DCDC2: variants seen among roughly 807,000 people sequenced by gnomAD.
DCDC2 encodes doublecortin domain containing 2.
Under a neutral mutation model 50.2 loss-of-function variants are expected in DCDC2, and 40 were observed. That is an observed-to-expected ratio of 0.80 (90% CI 0.62 to 1.04). The LOEUF (loss-of-function observed/expected upper bound fraction) is 1.04. Among genes scored for constraint, DCDC2 ranks in the 50% least tolerant of loss-of-function variants. The pLI, the probability that DCDC2 is intolerant of heterozygous loss-of-function variation, is 0.00. For synonymous variants in DCDC2, 234 were observed against 210.6 expected (o/e 1.11, Z -0.96); for missense variants, 570 against 581.9 (o/e 0.98, Z 0.21).
At chr6:24,297,407 C>G (rs921562743) in intron 4 of DCDC2, among the ~76,000 whole-genome samples, 1 of 152,042 alleles carries the variant, frequency 6.6e-6, no homozygotes, top group African/African-American at 2.4e-5. Context: ...AACAAACTAC[C>G]GTGACACAAG....
upstream of DCDC2, among the ~76,000 whole-genome samples, chr6:24,362,622 A>G (rs1450893799): frequency 6.6e-6 from 1 of 152,128 alleles, no homozygotes; most frequent in African/African-American, 2.4e-5. Flanking sequence ...CAGTTGCCTC[A>G]CACGCCAGAA....
intron 7 of DCDC2, among the ~76,000 whole-genome samples, chr6:24,242,165 C>A (rs1762575564): frequency 2.0e-5 from 3 of 152,018 alleles, no homozygotes; most frequent in African/African-American, 4.8e-5. Context: ...CAGAGTAAGA[C>A]CCTCTCTCAA....
intron 2 of DCDC2, among the ~76,000 whole-genome samples, chr6:24,305,701 G>T (rs566592782): frequency 6.6e-6 from 1 of 152,214 alleles, no homozygotes; most frequent in South Asian, 2.1e-4. Flanking sequence ...TTTCTTATTA[G>T]CCCATACACT....
At chr6:24,330,834 C>T (rs1212931541) in intron 2 of DCDC2, among the ~76,000 whole-genome samples, 2 of 152,104 alleles carry the variant, frequency 1.3e-5, no homozygotes, top group South Asian at 2.1e-4. Flanking sequence ...TTCAATACTG[C>T]GATGAACCCT....
At chr6:24,305,453 T>TA (rs2113840940) in intron 2 of DCDC2, among the ~76,000 whole-genome samples, 1 of 152,274 alleles carries the variant, frequency 6.6e-6, no homozygotes, top group Non-Finnish European at 1.5e-5. Context: ...AAGATAATTA[T>TA]AAAAAATGAT....
intron 8 of DCDC2, among the ~76,000 whole-genome samples, chr6:24,188,109 A>G (rs2000070): frequency 0.11 from 16,542 of 152,226 alleles, 1,153 homozygotes; most frequent in East Asian, 0.36. Context: ...CCAGTGCCTC[A>G]CTGTCACCTG....
At chr6:24,268,308 G>A (rs188601757) in intron 7 of DCDC2, among the ~76,000 whole-genome samples, 226 of 152,220 alleles carry the variant, frequency 1.5e-3, no homozygotes, top group Non-Finnish European at 2.7e-3. Flanking sequence ...CCAACATGGC[G>A]AAGTCCCATC....
At chr6:24,305,539 A>G (rs1442102386) in intron 2 of DCDC2, among the ~76,000 whole-genome samples, 1 of 152,218 alleles carries the variant, frequency 6.6e-6, no homozygotes, top group African/African-American at 2.4e-5. Context: ...TAAACAACAC[A>G]CAAAAAAATT....
At chr6:24,237,186 TAAAAA>T (rs60077867) in intron 7 of DCDC2, among the ~76,000 whole-genome samples, 1 of 146,996 alleles carries the variant, frequency 6.8e-6, no homozygotes, top group Non-Finnish European at 1.5e-5. Flanking sequence ...CATGAAAAGG[TAAAAA>T]AAAAAAATCA....
intron 2 of DCDC2, among the ~76,000 whole-genome samples, chr6:24,324,093 T>C (rs986154841): frequency 1.3e-5 from 2 of 152,172 alleles, no homozygotes; most frequent in Admixed American, 1.3e-4. Context: ...GGAAAAATAT[T>C]TGCATTCCCT....
At chr6:24,244,005 A>G (rs979023924) in intron 7 of DCDC2, among the ~76,000 whole-genome samples, 7 of 152,206 alleles carry the variant, frequency 4.6e-5, no homozygotes, top group Admixed American at 2.6e-4. Flanking sequence ...TTCAATGCAC[A>G]TTAATAAGGT....
the DCDC2 span, among the ~76,000 whole-genome samples, chr6:24,382,096 T>C: frequency 1.3e-5 from 2 of 152,128 alleles, no homozygotes; most frequent in Non-Finnish European, 2.9e-5. Flanking sequence ...TTCATAAAAC[T>C]GGGCAAGCTA....
intron 9 of DCDC2, among the ~76,000 whole-genome samples, chr6:24,177,528 C>T (rs1161136589): frequency 3.3e-5 from 5 of 152,254 alleles, no homozygotes; most frequent in South Asian, 2.1e-4. Context: ...CTTGAACTGA[C>T]GGATAGACAG....
chr6:24,376,769 G>A, the DCDC2 span, among the ~76,000 whole-genome samples: 1 of 109,704 alleles, frequency 9.1e-6, no homozygotes, highest in African/African-American at 3.9e-5. Flanking sequence ...TCCTAATAAT[G>A]CTAGAAAAAA....
intron 8 of DCDC2, among the ~76,000 whole-genome samples, chr6:24,184,666 CATT>C (rs1454600784): frequency 6.6e-6 from 1 of 151,888 alleles, no homozygotes; most frequent in Non-Finnish European, 1.5e-5. Context: ...AGGAAAGAAA[CATT>C]ATTATAAGAA....
intron 2 of DCDC2, among the ~76,000 whole-genome samples, chr6:24,319,024 T>C (rs985568347): frequency 1.3e-5 from 2 of 152,164 alleles, no homozygotes; most frequent in African/African-American, 4.8e-5. Context: ...TCCACAGCAG[T>C]TGTACTAATT....
At chr6:24,303,946 C>G (rs1373675433) in intron 2 of DCDC2, among the ~76,000 whole-genome samples, 2 of 152,170 alleles carry the variant, frequency 1.3e-5, no homozygotes, top group Admixed American at 6.5e-5. Flanking sequence ...GGACTCCATT[C>G]TTGGTAGAAT....
chr6:24,378,029 T>C, the DCDC2 span, among the ~76,000 whole-genome samples: 1 of 152,220 alleles, frequency 6.6e-6, no homozygotes, highest in Admixed American at 6.5e-5. Flanking sequence ...CCCAGCACAT[T>C]GTATGCACCA....
chr6:24,359,108 TTATATATTA>T (rs1445021680), upstream of DCDC2, among the ~76,000 whole-genome samples: 2,939 of 62,478 alleles, frequency 0.047, 359 homozygotes, highest in African/African-American at 0.19. Flanking sequence ...ATTTTATATA[TTATATATTA>T]TATATATTAT....
Sources: gnomAD v4.1 joint callset for allele counts (sites outside exome capture counted in the v4.1 genomes callset) on GRCh38, gnomAD v4.1.1 for gene constraint, MANE v1.5 for transcripts, NCBI Gene and HGNC (gene_info 2026-07-23, HGNC 2026-07-21) for gene names.